Variants in PHACTR2 observed in about 807,000 individuals in gnomAD.
The protein encoded by PHACTR2 is chromosome 6 open reading frame 56.
Under a neutral mutation model 76.0 loss-of-function variants are expected in PHACTR2, and 30 were observed. That is an observed-to-expected ratio of 0.39 (90% CI 0.30 to 0.54). PHACTR2 has a LOEUF of 0.54. PHACTR2 is among the 20% of genes least tolerant of loss of function. The pLI is 0.61. For synonymous variants in PHACTR2, 292 were observed against 292.5 expected, an observed-to-expected ratio of 1.00 and a Z score of 0.02; for missense variants, 696 against 781.1, an observed-to-expected ratio of 0.89 and a Z score of 1.30.
Position 143,647,151 on chromosome 6 carries a change from T to A in PHACTR2, c.13+38829T>A, listed in dbSNP as rs145235184. 6.6e-6 allele frequency among the ~76,000 whole-genome samples: 1 copy of A among 152,306 alleles called. No individual in the cohort carries two copies. Among genetic ancestry groups the A allele is most frequent in the East Asian group, 1.9e-4 (1 of 5,190 alleles). On this transcript the variant is annotated intron_variant, in intron 1 of 11. Coordinates refer to the PHACTR2 transcript ENST00000305766. The surrounding 1 kb of genome is among the most constrained non-coding windows in gnomAD (Gnocchi z 4.2). ...GTTGCTGTTGACCTACATTGATAAT[T>A]GGAAATATTACAACTTATTGCAAAG...
rs553626141 is a variant in PHACTR2 at position 143,627,453 on chromosome 6, A to G, written c.13+19131A>G. Among the ~76,000 whole-genome samples, 6 of 152,310 alleles carry G rather than the reference A, an allele frequency of 3.9e-5. No homozygotes were observed. The highest frequency in any genetic ancestry group is 3.9e-4 in the Admixed American group (6 of 15,306). On this transcript the variant is annotated intron_variant, in intron 1 of 11. Transcript: ENST00000305766. The surrounding 1 kb of genome is among the most constrained non-coding windows in gnomAD (Gnocchi z 4.3). ...CTAATTATGGGTAATATACTCAGCTACTACGTCAGGTAGCCTTGCGGAATT... is the reference window on the plus strand; with the variant it reads ...CTAATTATGGGTAATATACTCAGCTGCTACGTCAGGTAGCCTTGCGGAATT...
chr6:143,798,477 G>A lies in PHACTR2; in HGVS notation c.1846-8580G>A, dbSNP rs6930307. Among the ~76,000 whole-genome samples the A allele has an allele frequency of 1.3e-3, 199 of 152,184 alleles. 1 individual carries two copies. Among genetic ancestry groups the A allele is most frequent in the African/African-American group, 4.4e-3 (181 of 41,512 alleles). ...AGAGAGGTCATCCTTGTCTTGTGCC[G>A]GTTTTCAAAGGGAATGCTTCCAGTG... On this transcript the variant is annotated intron_variant, in intron 11 of 12. Transcript: ENST00000440869.
In PHACTR2 at chr6:143,543,435, T is replaced by G. The variant is rs1020685002; in HGVS notation, c.217+6228T>G. Among the ~76,000 whole-genome samples the G allele has an allele frequency of 8.5e-5, 13 of 152,192 alleles. No homozygotes were observed. In the South Asian group the frequency reaches 1.2e-3, roughly 15 times the overall value. On this transcript the variant is annotated intron_variant, in intron 1 of 11. Transcript: ENST00000367584. This position sits in a 1 kb window ranked among gnomAD's most constrained non-coding sequence, Gnocchi z 4.7. ...AGTTTAGTGGGGAAAGACAGGCCAA[T>G]AAGCCAAAGACCACAGTGCAATAAA...
At chr6:143,667,671 CTGTT>C (rs1480687046) in intron 1 of PHACTR2, among the ~76,000 whole-genome samples, 9 of 152,178 alleles carry the variant, frequency 5.9e-5, no homozygotes, top group Non-Finnish European at 1.3e-4. Context: ...ATTTGGCTCT[CTGTT>C]TGTCTGTGAC....
In PHACTR2 at chr6:143,608,356, C is replaced by T. The variant is rs891355504; in HGVS notation, c.13+34C>T. 4.3e-6 allele frequency: 7 copies of T among 1,612,136 alleles called. No homozygotes were observed. The Admixed American group carries it at 5.0e-5, about 12-fold the overall frequency. ...ATCAAGCATGAATTCTTCATAGCTG[C>T]TGGCTTCCTTTGCAGCCCGCATCCT... On this transcript the variant is annotated intron_variant, in intron 1 of 11. Transcript: ENST00000305766. This position sits in a 1 kb window ranked among gnomAD's most constrained non-coding sequence, Gnocchi z 4.6.
intron 1 of PHACTR2, among the ~76,000 whole-genome samples, chr6:143,666,563 C>T (rs575419726): frequency 5.9e-4 from 90 of 152,212 alleles, no homozygotes; most frequent in African/African-American, 2.1e-3. Flanking sequence ...TTTTAATGAT[C>T]GCCATTCTAA....
At chr6:143,563,836 A>C (rs1775319374) in intron 1 of PHACTR2, among the ~76,000 whole-genome samples, 1 of 27,396 alleles carries the variant, frequency 3.7e-5, no homozygotes, top group Non-Finnish European at 1.3e-4. Context: ...TCTCTACAAA[A>C]AAAAAAAAAT....
Position 143,539,228 on chromosome 6 carries a change from C to G in PHACTR2, c.217+2021C>G, listed in dbSNP as rs1002325822. Among the ~76,000 whole-genome samples the G allele has an allele frequency of 6.6e-6, 1 of 152,188 alleles. No homozygotes were observed. Among genetic ancestry groups the G allele is most frequent in the Non-Finnish European group, 1.5e-5 (1 of 68,044 alleles). ...TGAGGACTCTTTGTCTTTTCTGTGT[C>G]CTCTTAACGGATGCTAGGAAGTGAA... is the stretch of plus-strand genomic sequence containing the variant. On this transcript the variant is annotated intron_variant, in intron 1 of 11. Coordinates refer to the PHACTR2 transcript ENST00000367584. The surrounding 1 kb of genome is among the most constrained non-coding windows in gnomAD (Gnocchi z 4.3).
At chr6:143,555,599 A>G (rs999129988) in intron 1 of PHACTR2, among the ~76,000 whole-genome samples, 1 of 151,986 alleles carries the variant, frequency 6.6e-6, no homozygotes, top group South Asian at 2.1e-4. Flanking sequence ...TTATCAGTCT[A>G]TTTTTTCCTG....
At chr6:143,665,066 T>C (rs1229760454) in intron 1 of PHACTR2, among the ~76,000 whole-genome samples, 1 of 152,178 alleles carries the variant, frequency 6.6e-6, no homozygotes, top group Non-Finnish European at 1.5e-5. Context: ...CCCAAAGTGC[T>C]GGGATTACAG....
At chr6:143,713,902 C>G (rs1040638) in intron 2 of PHACTR2, among the ~76,000 whole-genome samples, 72,860 of 151,896 alleles carry the variant, frequency 0.48, 17,701 homozygotes, top group Middle Eastern at 0.55. Flanking sequence ...GGGCTCCAGA[C>G]GTAACGTACG....
At chr6:143,600,462 T>C (rs1315725247) in intron 1 of PHACTR2, among the ~76,000 whole-genome samples, 1 of 152,276 alleles carries the variant, frequency 6.6e-6, no homozygotes, top group Non-Finnish European at 1.5e-5. Flanking sequence ...TTTTTGAGCA[T>C]TGGCCATAAT....
At chr6:143,587,077 C>T (rs1172098381) in intron 1 of PHACTR2, among the ~76,000 whole-genome samples, 1 of 152,150 alleles carries the variant, frequency 6.6e-6, no homozygotes, top group East Asian at 1.9e-4. Flanking sequence ...AAAAAAGGTA[C>T]AGCTCACTAC....
rs1355447230 is a variant in PHACTR2 at position 143,556,005 on chromosome 6, A to G, written c.217+18798A>G. Among the ~76,000 whole-genome samples, 1 of 152,012 alleles carries G rather than the reference A, an allele frequency of 6.6e-6. No homozygotes were observed. Among genetic ancestry groups the G allele is most frequent in the African/African-American group, 2.4e-5 (1 of 41,418 alleles). On this transcript the variant is annotated intron_variant, in intron 1 of 11. Transcript: ENST00000367584. The surrounding 1 kb of genome is among the most constrained non-coding windows in gnomAD (Gnocchi z 4.3). Reference sequence around the variant, plus strand: ...TTTCACAATTAATTTTTTTAAAAAGAAACAGAAAAAAAACAAAAAGAAAAG... The same window carrying G: ...TTTCACAATTAATTTTTTTAAAAAGGAACAGAAAAAAAACAAAAAGAAAAG...
intron 12 of PHACTR2, among the ~76,000 whole-genome samples, chr6:143,810,415 T>G (rs1466306768): frequency 6.6e-6 from 1 of 152,170 alleles, no homozygotes; most frequent in Admixed American, 6.5e-5. Flanking sequence ...AGTTTACAGA[T>G]CTACAGTTTA....
chr6:143,829,188 C>CTTTTTT lies in PHACTR2; in HGVS notation c.*5516_*5521dup, dbSNP rs748075314. 8.4e-5 allele frequency: 6 copies of CTTTTTT among 71,688 alleles called. No homozygotes were observed. The highest frequency in any genetic ancestry group is 1.3e-4 in the Non-Finnish European group (5 of 37,228). The allele number at this position is 71,688 out of a possible 1,614,324, so 4.4% of individuals were successfully genotyped here. On this transcript the variant is annotated 3_prime_UTR_variant, in exon 13 of 13. Coordinates refer to ENST00000440869, the MANE Select transcript of PHACTR2 (RefSeq NM_001100164.2). Reference sequence around the variant, plus strand: ...AAGGAGAGATCATACATGAAGAAAGCTTTTTTTTTTTTTTTTTTTTTTGCC... The same window carrying CTTTTTT: ...AAGGAGAGATCATACATGAAGAAAGCTTTTTTTTTTTTTTTTTTTTTTTTTTTTGCC...
At chr6:143,629,562 C>G (rs1776324664) in intron 1 of PHACTR2, among the ~76,000 whole-genome samples, 1 of 152,082 alleles carries the variant, frequency 6.6e-6, no homozygotes, top group South Asian at 2.1e-4. Flanking sequence ...TTAGTGAGAA[C>G]TGTGGGTGTG....
Position 143,772,218 on chromosome 6 carries a change from T to G in PHACTR2, c.1233-40T>G. Reference sequence around the variant, plus strand: ...GTGTCAGTGCCGCCAAGGGTTGCTCTGAGCTTCACATCACTCCCATGCTTT... The same window carrying G: ...GTGTCAGTGCCGCCAAGGGTTGCTCGGAGCTTCACATCACTCCCATGCTTT... On this transcript the variant is annotated intron_variant, in intron 6 of 12. Transcript: ENST00000440869. This position sits in a 1 kb window ranked among gnomAD's most constrained non-coding sequence, Gnocchi z 5.4. 3 of 1,482,676 alleles carry G rather than the reference T, an allele frequency of 2.0e-6. No homozygotes were observed. Among genetic ancestry groups the G allele is most frequent in the Non-Finnish European group, 1.9e-6 (2 of 1,060,714 alleles). The allele number at this position is 1,482,676 out of a possible 1,614,324, so 91.8% of individuals were successfully genotyped here. A position where few individuals can be genotyped will look rare whatever the true frequency, so the allele number is the denominator to read the frequency against.
Position 143,797,884 on chromosome 6 carries a change from C to CT in PHACTR2, c.1845+8980dup, listed in dbSNP as rs559284562. 2.0e-5 allele frequency among the ~76,000 whole-genome samples: 3 copies of CT among 152,204 alleles called. No homozygotes were observed. In the East Asian group the frequency reaches 5.8e-4, roughly 29 times the overall value. On this transcript the variant is annotated intron_variant, in intron 11 of 12. Coordinates refer to ENST00000440869, the MANE Select transcript of PHACTR2 (RefSeq NM_001100164.2). ...CAGGATTGTCTTGGATATGCGAGCT[C>CT]TTTTTTGGTTCCATATGAGGTTTAA...
Sources: gnomAD v4.1 joint callset for allele counts (sites outside exome capture counted in the v4.1 genomes callset) on GRCh38, gnomAD v4.1.1 for gene constraint, Gnocchi (gnomAD v3.1) non-coding constraint, MANE v1.5 for transcripts, NCBI Gene and HGNC (gene_info 2026-07-23, HGNC 2026-07-21) for gene names.